The following PRDM16 variants were observed in gnomAD, a reference collection of about 807,000 sequenced individuals.
The protein encoded by PRDM16 is histone-lysine N-methyltransferase PRDM16.
Under a neutral mutation model 110.6 loss-of-function variants are expected in PRDM16, and 23 were observed. The ratio of observed to expected loss-of-function variants is 0.21; its 90% CI spans 0.15 to 0.29. The LOEUF (loss-of-function observed/expected upper bound fraction) is 0.29. Among genes scored for constraint, PRDM16 ranks in the 10% least tolerant of loss-of-function variants. The probability of loss-of-function intolerance (pLI) is 1.00; values close to 1 mark genes in which losing one functional copy is unlikely to be tolerated. For synonymous variants in PRDM16, 799 were observed against 781.8 expected, an observed-to-expected ratio of 1.02 and a Z score of -0.37; for missense variants, 1,615 against 1,794.3, an observed-to-expected ratio of 0.90 and a Z score of 1.81.
rs796417635 is a variant in PRDM16 at position 3,181,886 on chromosome 1, G to A, written c.38-4239G>A. On this transcript the variant is annotated intron_variant, in intron 1 of 16. Coordinates refer to ENST00000270722, the MANE Select transcript of PRDM16 (RefSeq NM_022114.4). ...CAGTCTTACACACGGTCTTGCACAC[G>A]CAGTCTTACACACGGTCTTACACAC... 1.7e-3 allele frequency among the ~76,000 whole-genome samples: 146 copies of A among 85,136 alleles called. 4 individuals are homozygous for A. The highest frequency in any genetic ancestry group is 5.2e-3 in the African/African-American group (137 of 26,448). 55.9% of individuals were successfully genotyped at this position (85,136 alleles called of 152,430 possible). A position where few individuals can be genotyped will look rare whatever the true frequency, so the allele number is the denominator to read the frequency against.
intron 2 of PRDM16, among the ~76,000 whole-genome samples, chr1:3,235,281 C>T (rs1180431858): frequency 2.0e-5 from 3 of 152,236 alleles, no homozygotes; most frequent in Non-Finnish European, 4.4e-5. Context: ...GCGTGCGTGT[C>T]CAGTTCCTGA....
intron 14 of PRDM16, among the ~76,000 whole-genome samples, chr1:3,427,793 C>T (rs1189418940): frequency 3.3e-5 from 5 of 152,182 alleles, no homozygotes; most frequent in South Asian, 4.1e-4. Context: ...AAAGCCTCAC[C>T]TCCACCCCAG....
intron 3 of PRDM16, among the ~76,000 whole-genome samples, chr1:3,248,605 C>T (rs1049196294): frequency 5.0e-4 from 76 of 152,276 alleles, no homozygotes; most frequent in African/African-American, 1.8e-3. Context: ...AAAAATAAAT[C>T]GAGCTAATAA....
intron 1 of PRDM16, among the ~76,000 whole-genome samples, chr1:3,083,313 G>T (rs1642072541): frequency 6.6e-6 from 1 of 152,222 alleles, no homozygotes; most frequent in Non-Finnish European, 1.5e-5. Context: ...CCCCATCATA[G>T]CCCTGTCCTG....
intron 1 of PRDM16, among the ~76,000 whole-genome samples, chr1:3,074,879 C>G (rs1375060327): frequency 6.6e-6 from 1 of 152,256 alleles, no homozygotes; most frequent in African/African-American, 2.4e-5. Flanking sequence ...TGGAAGGGGC[C>G]GGCTGCTGAC....
In PRDM16 at chr1:3,415,314, C is replaced by T. The variant is rs1557663993; in HGVS notation, c.2691+667C>T. Among the ~76,000 whole-genome samples, 4 of 152,366 alleles carry T rather than the reference C, an allele frequency of 2.6e-5. No homozygotes were observed. In the South Asian group the frequency reaches 8.3e-4, roughly 32 times the overall value. ...ACTGACTTGGTCTCATTGCTGGGAGCCTGGCCCCTTCCGCAGCGCCATGGG... is the reference window on the plus strand; with the variant it reads ...ACTGACTTGGTCTCATTGCTGGGAGTCTGGCCCCTTCCGCAGCGCCATGGG... On this transcript the variant is annotated intron_variant, in intron 10 of 16. Coordinates refer to ENST00000270722, the MANE Select transcript of PRDM16 (RefSeq NM_022114.4).
intron 2 of PRDM16, among the ~76,000 whole-genome samples, chr1:3,239,419 G>T (rs1361297283): frequency 2.0e-5 from 3 of 152,000 alleles, no homozygotes; most frequent in Non-Finnish European, 2.9e-5. Context: ...CAGTCTCCCA[G>T]CAGTGAGCAG....
At position 3,433,907 on chromosome 1, in the gene PRDM16, G is replaced by A. The variant is rs1432400824; in HGVS notation, c.*96G>A. The A allele has an allele frequency of 2.3e-6, 3 of 1,286,570 alleles. No individual in the cohort carries two copies. Among genetic ancestry groups the A allele is most frequent in the Non-Finnish European group, 3.2e-6 (3 of 930,550 alleles). The allele number at this position is 1,286,570 out of a possible 1,614,324, so 79.7% of individuals were successfully genotyped here. On this transcript the variant is annotated 3_prime_UTR_variant, in exon 17 of 17. Coordinates refer to ENST00000270722, the MANE Select transcript of PRDM16 (RefSeq NM_022114.4). ...CCCGGAGAACCCTGTCCCTGCGTGT[G>A]GCCACTCCTCAGCATCCTCCCCACC...
intron 2 of PRDM16, among the ~76,000 whole-genome samples, chr1:3,203,040 G>A (rs1293768019): frequency 2.6e-5 from 4 of 152,190 alleles, no homozygotes; most frequent in South Asian, 2.1e-4. Flanking sequence ...GTGTTCTCCC[G>A]AACTGGCATT....
intron 8 of PRDM16, 113 bp from the exon 9 acceptor site, chr1:3,411,271 C>A: frequency 8.9e-7 from 1 of 1,126,250 alleles, no homozygotes; most frequent in Non-Finnish European, 1.3e-6. Context: ...CTGCTTCCAG[C>A]CCCAGCCTCG....
At chr1:3,269,789 T>TTGGGAGGA in intron 3 of PRDM16, among the ~76,000 whole-genome samples, 1 of 142,408 alleles carries the variant, frequency 7.0e-6, no homozygotes, top group African/African-American at 2.6e-5. Flanking sequence ...AGGAGGAAAG[T>TTGGGAGGA]CTCAGAGGAG....
In PRDM16 at chr1:3,430,907, G is replaced by T; in HGVS notation, c.3320G>T (p.Cys1107Phe). The change falls in exon 15 of 17, where the codon TGT becomes TTT. Residue 1107 changes from cysteine (C) to phenylalanine (F), a missense_variant. Cys to Phe is a radical substitution (Grantham distance 205, BLOSUM62 -2). This residue lies in a region of PRDM16 where 327 missense variants were observed against 359.3 expected (regional missense o/e 0.91). Coordinates refer to ENST00000270722, the MANE Select transcript of PRDM16 (RefSeq NM_022114.4). ...CAGATCGTGGACGGCAGTGCCCAGT[G>T]TCCAGGCCTAGCCAGTGAGAAGCAG... The part of the protein sequence containing the change: ...DMQIVDGSAQ[C>F]PGLASEKQED... 6.2e-7 allele frequency: 1 copy of T among 1,614,150 alleles called. No individual in the cohort carries two copies. The highest frequency in any genetic ancestry group is 1.7e-4 in the Middle Eastern group (1 of 6,060).
intron 1 of PRDM16, among the ~76,000 whole-genome samples, chr1:3,124,976 C>T (rs1289308356): frequency 6.6e-6 from 1 of 152,238 alleles, no homozygotes; most frequent in Non-Finnish European, 1.5e-5. Context: ...TTCCAGCTCC[C>T]GCAATGTTCA....
At chr1:3,102,553 C>A (rs145233667) in intron 1 of PRDM16, among the ~76,000 whole-genome samples, 3 of 152,236 alleles carry the variant, frequency 2.0e-5, no homozygotes, top group African/African-American at 7.2e-5. Context: ...AAGTGTCCTG[C>A]ATTTCCATCT....
At chr1:3,409,462 G>A (rs1157570021) in intron 8 of PRDM16, among the ~76,000 whole-genome samples, 3 of 152,106 alleles carry the variant, frequency 2.0e-5, no homozygotes, top group African/African-American at 4.8e-5. Context: ...AAGGTAGAGC[G>A]GTTAATATAA....
Position 3,414,591 on chromosome 1 carries a change from G to A in PRDM16, c.2635G>A (p.Val879Met), listed in dbSNP as rs746861136. ...RVEKRKVTDPVGALKEKYLRP... is the reference protein window; with the variant it reads ...RVEKRKVTDPMGALKEKYLRP... ...AGAAAAGCGGAAGGTCACAGACCCC[G>A]TGGGAGCCCTGAAGGAGAAGTACCT... is the stretch of plus-strand genomic sequence containing the variant. The change falls in exon 10 of 17, where the codon GTG becomes ATG. Residue 879 changes from valine to methionine, a missense_variant. Coordinates refer to ENST00000270722, the MANE Select transcript of PRDM16 (RefSeq NM_022114.4). 6.3e-5 allele frequency: 102 copies of A among 1,613,490 alleles called. No individual in the cohort carries two copies. The East Asian group carries it at 1.0e-3, about 16-fold the overall frequency.
intron 3 of PRDM16, among the ~76,000 whole-genome samples, chr1:3,311,865 C>T (rs1014380012): frequency 2.6e-4 from 39 of 152,234 alleles, no homozygotes; most frequent in Non-Finnish European, 1.0e-4. Context: ...GCCCACCCCA[C>T]CCTGGGTCCA....
intron 12 of PRDM16, among the ~76,000 whole-genome samples, chr1:3,419,921 G>A (rs1557666454): frequency 6.6e-6 from 1 of 151,160 alleles, no homozygotes. Context: ...CAATTCACAG[G>A]CCCCCCCTTA....
intron 12 of PRDM16, among the ~76,000 whole-genome samples, chr1:3,420,867 G>A (rs1250195448): frequency 6.6e-5 from 10 of 152,200 alleles, no homozygotes; most frequent in Admixed American, 5.9e-4. Context: ...CGGCCCGGGG[G>A]TCTCTCTGGG....
Sources: gnomAD v4.1 joint callset for allele counts (sites outside exome capture counted in the v4.1 genomes callset) on GRCh38, gnomAD v4.1.1 for gene constraint, gnomAD v4.1.1 regional missense constraint, MANE v1.5 for transcripts, NCBI Gene and HGNC (gene_info 2026-07-23, HGNC 2026-07-21) for gene names.